NEBL: variants seen among roughly 807,000 people sequenced by gnomAD.
NEBL encodes the protein LIM and SH3 protein 2.
In NEBL, 122 loss-of-function variants were observed where a neutral mutation model predicts 140.2. That is an observed-to-expected ratio of 0.87 (90% confidence interval 0.75 to 1.01). NEBL has a LOEUF of 1.01. Ranked by LOEUF, NEBL falls within the 50% of genes least tolerant of loss-of-function variation. NEBL has a pLI of 0.00. For missense variants in NEBL, 1,365 were observed against 1,231.3 expected, an observed-to-expected ratio of 1.11 and a Z score of -1.62; for synonymous variants, 436 against 398.9, an observed-to-expected ratio of 1.09 and a Z score of -1.11.
intron 3 of NEBL, among the ~76,000 whole-genome samples, chr10:21,235,721 A>G (rs567128546): frequency 3.9e-5 from 6 of 152,360 alleles, no homozygotes; most frequent in Non-Finnish European, 1.5e-5. Flanking sequence ...TGGGAATAGC[A>G]AATAAAAACT....
At chr10:21,027,190 G>A (rs1251771111) in intron 2 of NEBL, among the ~76,000 whole-genome samples, 1 of 151,922 alleles carries the variant, frequency 6.6e-6, no homozygotes, top group African/African-American at 2.4e-5. Context: ...ACCTCCCAGA[G>A]AATCATCAAA....
chr10:21,032,606 C>T (rs183537531), intron 2 of NEBL, among the ~76,000 whole-genome samples: 22 of 152,116 alleles, frequency 1.4e-4, no homozygotes, highest in Admixed American at 3.3e-4. Context: ...AATTAGAGCA[C>T]GTAAATGGGG....
intron 4 of NEBL, among the ~76,000 whole-genome samples, chr10:20,882,037 G>C (rs1193912305): frequency 1.3e-5 from 2 of 152,082 alleles, no homozygotes; most frequent in Non-Finnish European, 2.9e-5. Flanking sequence ...AATTAACCAG[G>C]TGTGGCAGCA....
intron 3 of NEBL, among the ~76,000 whole-genome samples, chr10:20,977,018 G>A (rs1481354190): frequency 2.0e-5 from 3 of 151,320 alleles, no homozygotes; most frequent in Admixed American, 6.6e-5. Context: ...ATACACATAT[G>A]TGAAGAGATA....
At position 21,281,368 on chromosome 10, in the gene NEBL, C is replaced by T. The variant is rs58316888; in HGVS notation, n.182+11462G>A. Among the ~76,000 whole-genome samples the T allele has an allele frequency of 2.1e-3, 316 of 151,788 alleles. 1 individual carries two copies. Among genetic ancestry groups the T allele is most frequent in the African/African-American group, 6.9e-3 (287 of 41,368 alleles). ...AGAGAGAAGGGATCTTGCTATATTGCCCAGGCTGGTCTCAAACTCCTTGCC... is the reference window on the plus strand; with the variant it reads ...AGAGAGAAGGGATCTTGCTATATTGTCCAGGCTGGTCTCAAACTCCTTGCC... On this transcript the variant is annotated intron_variant and non_coding_transcript_variant, in intron 1 of 8. Transcript: ENST00000675702.
In NEBL at chr10:21,116,385, T is replaced by G. The variant is rs1838285873; in HGVS notation, c.164+55998A>C. 5.3e-5 allele frequency among the ~76,000 whole-genome samples: 8 copies of G among 152,118 alleles called. No individual in the cohort carries two copies. The South Asian group carries it at 1.7e-3, about 32-fold the overall frequency. On this transcript the variant is annotated intron_variant, in intron 2 of 6. Transcript: ENST00000417816. The stretch of plus-strand genomic sequence containing the variant: ...AAGGTAATCTGTATCTCTCTCTTCT[T>G]CTTCTTATAAAGTTATTAATCTTAT...
chr10:20,961,653 T>C (rs755233565), intron 4 of NEBL: 7 of 1,522,306 alleles, frequency 4.6e-6, no homozygotes, highest in Non-Finnish European at 9.1e-7. Context: ...ATCATGCTAT[T>C]GAATAAACAG....
At chr10:20,934,661 C>T (rs1259998016) in intron 4 of NEBL, among the ~76,000 whole-genome samples, 1 of 152,090 alleles carries the variant, frequency 6.6e-6, no homozygotes, top group Non-Finnish European at 1.5e-5. Flanking sequence ...GGCCTGGATC[C>T]CTGAATGACT....
At chr10:20,897,357 T>G, upstream of NEBL, 1 of 1,457,102 alleles carries the variant, frequency 6.9e-7, no homozygotes, top group Non-Finnish European at 9.0e-7. Flanking sequence ...CTTCACTCCT[T>G]ATCTCAGTGG....
At position 20,813,998 on chromosome 10, in the gene NEBL, G is replaced by A. The variant is rs768389033; in HGVS notation, c.2287C>T (p.Leu763=). ...CTCATAGCAGGTGTATCTAAAATCA[G>A]ACTTGGTCTACCTTTCATCTGTTTA... ...DHKQMKGRPS[L]ILDTPAMRHV... is the part of the protein sequence containing the mutation. Residue 763 remains leucine (L), a synonymous_variant, in exon 23 of 28, where the codon CTG becomes TTG. Transcript: ENST00000377122. 1.2e-6 allele frequency: 2 copies of A among 1,611,456 alleles called. No homozygotes were observed. The highest frequency in any genetic ancestry group is 2.2e-5 in the East Asian group (1 of 44,838).
intron 4 of NEBL, among the ~76,000 whole-genome samples, chr10:20,949,252 C>A (rs984713151): frequency 6.6e-6 from 1 of 152,068 alleles, no homozygotes; most frequent in Admixed American, 6.6e-5. Context: ...ACAACGAGAA[C>A]ACACGGACAC....
At chr10:20,898,136 T>C (rs1208045116), upstream of NEBL, among the ~76,000 whole-genome samples, 1 of 152,132 alleles carries the variant, frequency 6.6e-6, no homozygotes, top group Non-Finnish European at 1.5e-5. Flanking sequence ...ATATTTATAA[T>C]GTAGTGTATG....
chr10:21,134,518 C>T (rs905764308), intron 2 of NEBL, among the ~76,000 whole-genome samples: 7 of 152,044 alleles, frequency 4.6e-5, no homozygotes, highest in African/African-American at 1.7e-4. Flanking sequence ...TCATGTAAAC[C>T]CACATTATAA....
intron 13 of NEBL, among the ~76,000 whole-genome samples, chr10:20,840,242 T>C (rs1397614622): frequency 1.3e-5 from 2 of 152,124 alleles, no homozygotes; most frequent in Non-Finnish European, 2.9e-5. Context: ...ATACAAGGAT[T>C]ACAGGACTGA....
intron 2 of NEBL, among the ~76,000 whole-genome samples, chr10:21,122,513 C>T (rs920170787): frequency 6.6e-6 from 1 of 152,156 alleles, no homozygotes. Context: ...TTTTGATCTA[C>T]TCACAATCCA....
At chr10:21,171,028 G>A (rs1457884590) in intron 2 of NEBL, among the ~76,000 whole-genome samples, 3 of 152,130 alleles carry the variant, frequency 2.0e-5, no homozygotes, top group Admixed American at 2.0e-4. Flanking sequence ...CCACACAGGG[G>A]AACTGGTGAG....
intron 26 of NEBL, among the ~76,000 whole-genome samples, chr10:20,808,085 A>G (rs565772622): frequency 3.8e-4 from 57 of 151,908 alleles, no homozygotes; most frequent in Non-Finnish European, 7.8e-4. Context: ...AAATATACAC[A>G]TTCATTATAA....
intron 3 of NEBL, among the ~76,000 whole-genome samples, chr10:21,195,513 C>T (rs1160278306): frequency 1.3e-5 from 2 of 152,168 alleles, no homozygotes; most frequent in African/African-American, 4.8e-5. Context: ...CATCCATGAA[C>T]CTGCCAGACC....
chr10:20,822,076 G>T (rs771521028), intron 19 of NEBL, among the ~76,000 whole-genome samples: 1 of 152,088 alleles, frequency 6.6e-6, no homozygotes, highest in East Asian at 1.9e-4. Flanking sequence ...GATTAAATGA[G>T]ATATTGCAAT....
Sources: allele counts gnomAD v4.1 joint callset (sites outside exome capture counted in the v4.1 genomes callset), GRCh38; gene constraint gnomAD v4.1.1; transcripts MANE v1.5; gene names NCBI Gene and HGNC (gene_info 2026-07-23, HGNC 2026-07-21).